The following KIAA1328 variants were observed in gnomAD, a reference collection of about 807,000 sequenced individuals.
KIAA1328 encodes KIAA1328, also known as protein hinderin.
In KIAA1328, 52 loss-of-function variants were observed where a neutral mutation model predicts 68.1. The observed-to-expected ratio is 0.76, with a 90% confidence interval of 0.61 to 0.96. KIAA1328 has a LOEUF of 0.96. Among genes scored for constraint, KIAA1328 ranks in the 40% least tolerant of loss-of-function variants. The pLI, the probability that KIAA1328 is intolerant of heterozygous loss-of-function variation, is 0.00. For synonymous variants in KIAA1328, 232 were observed against 239.4 expected (o/e 0.97, Z 0.28); for missense variants, 641 against 677.6 (o/e 0.95, Z 0.60).
intron 5 of KIAA1328, among the ~76,000 whole-genome samples, chr18:36,925,851 T>C (rs1244885642): frequency 6.6e-6 from 1 of 152,154 alleles, no homozygotes; most frequent in African/African-American, 2.4e-5. Flanking sequence ...GGTCTTCTTA[T>C]ATATTTCTTA....
At chr18:37,136,087 A>G (rs1366874478) in intron 7 of KIAA1328, among the ~76,000 whole-genome samples, 1 of 152,136 alleles carries the variant, frequency 6.6e-6, no homozygotes, top group African/African-American at 2.4e-5. Flanking sequence ...GGTAAGAAAA[A>G]AGTGAAAATA....
intron 6 of KIAA1328, among the ~76,000 whole-genome samples, chr18:37,044,792 C>A (rs1353012344): frequency 6.9e-6 from 1 of 144,056 alleles, no homozygotes; most frequent in Admixed American, 6.9e-5. Context: ...GAGTAAGACT[C>A]CGGCTCAAAA....
chr18:37,118,004 C>T (rs923119679), intron 7 of KIAA1328, among the ~76,000 whole-genome samples: 1 of 122,288 alleles, frequency 8.2e-6, no homozygotes, highest in Non-Finnish European at 1.6e-5. Flanking sequence ...TAATTGCTTT[C>T]TTTCTTTTTT....
At chr18:36,982,135 A>G (rs945605834) in intron 6 of KIAA1328, among the ~76,000 whole-genome samples, 1 of 112,080 alleles carries the variant, frequency 8.9e-6, no homozygotes, top group African/African-American at 2.8e-5. Context: ...TATATTATAA[A>G]AATATAAATA....
intron 4 of KIAA1328, among the ~76,000 whole-genome samples, chr18:36,858,654 C>T (rs1316750582): frequency 6.6e-6 from 1 of 152,156 alleles, no homozygotes; most frequent in Non-Finnish European, 1.5e-5. Flanking sequence ...ATATATATAG[C>T]TTTCCTTGTT....
At chr18:37,133,161 C>CATGGTGA (rs1333509411) in intron 7 of KIAA1328, among the ~76,000 whole-genome samples, 1 of 151,938 alleles carries the variant, frequency 6.6e-6, no homozygotes, top group Non-Finnish European at 1.5e-5. Flanking sequence ...GGTGAAACAC[C>CATGGTGA]ATCTCTACTA....
chr18:36,931,118 A>G (rs1003683772), intron 5 of KIAA1328, among the ~76,000 whole-genome samples: 10 of 152,044 alleles, frequency 6.6e-5, no homozygotes, highest in Admixed American at 2.6e-4. Context: ...CTCAGCATCA[A>G]TCCAATGAAA....
intron 6 of KIAA1328, among the ~76,000 whole-genome samples, chr18:36,965,600 A>C (rs894653848): frequency 6.8e-5 from 10 of 147,710 alleles, no homozygotes; most frequent in African/African-American, 2.2e-4. Context: ...CAGACTCCTG[A>C]CCTCAGGTGA....
chr18:37,186,564 C>CAAAAAA (rs397858280), intron 9 of KIAA1328, among the ~76,000 whole-genome samples: 5 of 73,178 alleles, frequency 6.8e-5, no homozygotes, highest in South Asian at 6.6e-4. Flanking sequence ...GAAACCCTAT[C>CAAAAAA]AAAAAAAAAA....
intron 6 of KIAA1328, 163 bp from the exon 7 acceptor site, chr18:37,066,727 G>C (rs1311758388): frequency 1.6e-6 from 1 of 612,594 alleles, no homozygotes; most frequent in African/African-American, 1.9e-5. Context: ...ATGTAGCTTT[G>C]GGGCACAAGT....
rs576329710 is a variant in KIAA1328 at position 37,102,325 on chromosome 18, C to A, written c.1232+34780C>A. On this transcript the variant is annotated intron_variant, in intron 7 of 9. Coordinates refer to ENST00000280020, the MANE Select transcript of KIAA1328 (RefSeq NM_020776.3). ...GGAAGAATACATATTGGATGCTGGG[C>A]TTAATACCTGGGTAGTGGGATGATC... Among the ~76,000 whole-genome samples, 3 of 152,232 alleles carry A rather than the reference C, an allele frequency of 2.0e-5. No homozygotes were observed. The South Asian group carries it at 6.2e-4, about 32-fold the overall frequency.
chr18:36,864,969 T>C (rs953558678), intron 4 of KIAA1328, among the ~76,000 whole-genome samples: 2 of 152,054 alleles, frequency 1.3e-5, no homozygotes, highest in African/African-American at 4.8e-5. Context: ...GTTTAGTTTA[T>C]TGACTTTTTT....
intron 5 of KIAA1328, among the ~76,000 whole-genome samples, chr18:36,899,678 T>C (rs2048974209): frequency 6.6e-6 from 1 of 151,962 alleles, no homozygotes; most frequent in African/African-American, 2.4e-5. Flanking sequence ...ATGTTTTCTG[T>C]TTTCCTGACT....
chr18:37,154,986 C>G (rs2059123077), intron 7 of KIAA1328, among the ~76,000 whole-genome samples: 1 of 152,112 alleles, frequency 6.6e-6, no homozygotes, highest in South Asian at 2.1e-4. Flanking sequence ...AGTAAAAATC[C>G]TAACCCTAGA....
chr18:36,878,126 T>C (rs993215222), intron 4 of KIAA1328, among the ~76,000 whole-genome samples: 4 of 152,182 alleles, frequency 2.6e-5, no homozygotes, highest in Non-Finnish European at 5.9e-5. Context: ...TTTTGGTATG[T>C]TTTTGCATAC....
In KIAA1328 at chr18:37,185,728, C is replaced by G. The variant is rs552141007; in HGVS notation, c.1523+12647C>G. Among the ~76,000 whole-genome samples the G allele has an allele frequency of 2.0e-5, 3 of 151,740 alleles. No individual in the cohort carries two copies. The South Asian group carries it at 6.2e-4, about 32-fold the overall frequency. On this transcript the variant is annotated intron_variant, in intron 9 of 9. Coordinates refer to ENST00000280020, the MANE Select transcript of KIAA1328 (RefSeq NM_020776.3). Reference sequence around the variant, plus strand: ...ATATACCTACTGATATATACACACACACACACACACACGTACACACACACA... The same window carrying G: ...ATATACCTACTGATATATACACACAGACACACACACACGTACACACACACA...
In KIAA1328 at chr18:36,966,857, TCCTGATCAGA is replaced by T. The variant is rs2051961043; in HGVS notation, c.576+7423_576+7432del. On this transcript the variant is annotated intron_variant, in intron 6 of 9. Transcript: ENST00000280020. Reference sequence around the variant, plus strand: ...AAATTGATCTGTAGATTTGTTGCAATCCTGATCAGAATTCCAGCAGATTTTGATAATTCCT... The same window carrying T: ...AAATTGATCTGTAGATTTGTTGCAATATTCCAGCAGATTTTGATAATTCCT... Among the ~76,000 whole-genome samples, 3 of 152,298 alleles carry T rather than the reference TCCTGATCAGA, an allele frequency of 2.0e-5. No homozygotes were observed. In the South Asian group the frequency reaches 6.2e-4, roughly 32 times the overall value.
At chr18:37,143,521 C>CTTTTTTTTTTTTTTTTTTTTTTTT (rs57046567) in intron 7 of KIAA1328, among the ~76,000 whole-genome samples, 30 of 90,778 alleles carry the variant, frequency 3.3e-4, no homozygotes, top group Non-Finnish European at 4.7e-4. Context: ...TTTTTTCTTT[C>CTTTTTTTTTTTTTTTTTTTTTTTT]TTTTTTTTTT....
At chr18:37,191,582 T>C (rs968024534) in intron 9 of KIAA1328, among the ~76,000 whole-genome samples, 1 of 152,212 alleles carries the variant, frequency 6.6e-6, no homozygotes, top group Non-Finnish European at 1.5e-5. Context: ...CCATTTTTCA[T>C]TGAACAGGGA....
Sources: allele counts gnomAD v4.1 joint callset (sites outside exome capture counted in the v4.1 genomes callset), GRCh38; gene constraint gnomAD v4.1.1; transcripts MANE v1.5; gene names NCBI Gene and HGNC (gene_info 2026-07-23, HGNC 2026-07-21).